KCNMA1: variants seen among roughly 807,000 people sequenced by gnomAD.
KCNMA1 encodes Calcium-activated potassium channel subunit alpha-1.
A neutral mutation model predicts 140.0 loss-of-function variants in KCNMA1; 29 were observed. That is an observed-to-expected ratio of 0.21 (90% CI 0.15 to 0.28). The LOEUF is 0.28. KCNMA1 is among the 10% of genes least tolerant of loss of function. The probability of loss-of-function intolerance (pLI) is 1.00; values close to 1 mark genes in which losing one functional copy is unlikely to be tolerated. For missense variants in KCNMA1, 880 were observed against 1,602.2 expected, an observed-to-expected ratio of 0.55 and a Z score of 7.70; for synonymous variants, 612 against 611.9, an observed-to-expected ratio of 1.00 and a Z score of 0.00.
intron 5 of KCNMA1, among the ~76,000 whole-genome samples, chr10:77,148,862 C>A (rs1181427071): frequency 6.6e-6 from 1 of 152,214 alleles, no homozygotes; most frequent in Non-Finnish European, 1.5e-5. Context: ...TAGCTGACAT[C>A]TTGAAATGAG....
chr10:77,557,697 G>A (rs887070761), intron 1 of KCNMA1, among the ~76,000 whole-genome samples: 3 of 146,542 alleles, frequency 2.0e-5, no homozygotes, highest in Non-Finnish European at 4.5e-5. Context: ...ACCCAGGCTA[G>A]AGTGGAATGC....
At chr10:77,141,844 G>T (rs2098177847) in intron 5 of KCNMA1, among the ~76,000 whole-genome samples, 1 of 152,110 alleles carries the variant, frequency 6.6e-6, no homozygotes, top group South Asian at 2.1e-4. Flanking sequence ...TAAAATTATT[G>T]GTAGAATTTT....
At chr10:77,603,101 AG>A (rs1247485602) in intron 1 of KCNMA1, among the ~76,000 whole-genome samples, 1 of 152,192 alleles carries the variant, frequency 6.6e-6, no homozygotes, top group Non-Finnish European at 1.5e-5. Flanking sequence ...CAGACTTCAG[AG>A]GGAAACAAAT....
chr10:76,955,222 C>T (rs546243417), intron 20 of KCNMA1, among the ~76,000 whole-genome samples: 15 of 143,878 alleles, frequency 1.0e-4, no homozygotes, highest in African/African-American at 3.9e-4. Context: ...TAGACAGAGT[C>T]TCGCTCTGCA....
At chr10:77,002,270 G>T (rs991366766) in intron 18 of KCNMA1, among the ~76,000 whole-genome samples, 1 of 152,082 alleles carries the variant, frequency 6.6e-6, no homozygotes, top group Non-Finnish European at 1.5e-5. Context: ...CAAGACTAAC[G>T]CTGCAGATTT....
chr10:76,877,899 G>T lies in KCNMA1; in HGVS notation c.3428-9C>A, dbSNP rs201763376. 225 of 1,606,950 alleles carry T rather than the reference G, an allele frequency of 1.4e-4. No homozygotes were observed. The highest frequency in any genetic ancestry group is 6.5e-5 in the Non-Finnish European group (76 of 1,176,518). On this transcript the variant is annotated splice_polypyrimidine_tract_variant and intron_variant, in intron 29 of 29. Transcript: ENST00000372403. ...TGTAAACCATTTCTTTTCTGCTAAAGGGCAAAATGGATAGAGAACAAGAAG... is the reference window on the plus strand; with the variant it reads ...TGTAAACCATTTCTTTTCTGCTAAATGGCAAAATGGATAGAGAACAAGAAG...
In KCNMA1 at chr10:76,944,767, C is replaced by T. The variant is rs1169301849; in HGVS notation, c.2902+6G>A. ...ACAGCAAAGAAGTATTACAGGCTGTCCTTACCTTGGGAATTAGCCTGCAAG... is the reference window on the plus strand; with the variant it reads ...ACAGCAAAGAAGTATTACAGGCTGTTCTTACCTTGGGAATTAGCCTGCAAG... On this transcript the variant is annotated splice_donor_region_variant and intron_variant, in intron 23 of 27. Transcript: ENST00000286628. The T allele has an allele frequency of 6.2e-7, 1 of 1,613,376 alleles. No homozygotes were observed. Among genetic ancestry groups the T allele is most frequent in the African/African-American group, 1.3e-5 (1 of 74,900 alleles).
chr10:77,230,847 T>A (rs1472452035), intron 3 of KCNMA1, among the ~76,000 whole-genome samples: 1 of 152,186 alleles, frequency 6.6e-6, no homozygotes. Context: ...TTCAGCATCA[T>A]GAAACACCCT....
At chr10:77,167,767 C>A (rs2098659672) in intron 5 of KCNMA1, among the ~76,000 whole-genome samples, 1 of 151,848 alleles carries the variant, frequency 6.6e-6, no homozygotes, top group Non-Finnish European at 1.5e-5. Context: ...TGTCTCACTG[C>A]AGCCTCGACT....
chr10:77,346,254 G>C (rs56284041), intron 2 of KCNMA1, among the ~76,000 whole-genome samples: 1 of 152,156 alleles, frequency 6.6e-6, no homozygotes, highest in Non-Finnish European at 1.5e-5. Context: ...TCATGTTTGA[G>C]AAACAAAAAC....
At chr10:77,339,917 G>C (rs1437342003) in intron 2 of KCNMA1, among the ~76,000 whole-genome samples, 1 of 152,210 alleles carries the variant, frequency 6.6e-6, no homozygotes, top group Non-Finnish European at 1.5e-5. Context: ...TTGCAGCCAT[G>C]AGTGAAAAGC....
At chr10:77,266,458 A>G (rs771630291) in intron 2 of KCNMA1, among the ~76,000 whole-genome samples, 1 of 152,196 alleles carries the variant, frequency 6.6e-6, no homozygotes, top group Non-Finnish European at 1.5e-5. Context: ...CAAACTTCGT[A>G]AGAATGCTGG....
chr10:77,588,206 C>T (rs897658011), intron 1 of KCNMA1, among the ~76,000 whole-genome samples: 2 of 152,178 alleles, frequency 1.3e-5, no homozygotes, highest in African/African-American at 4.8e-5. Flanking sequence ...CAAAGGACTC[C>T]AGCAAGGTCA....
intron 23 of KCNMA1, among the ~76,000 whole-genome samples, chr10:76,918,315 T>C (rs188926912): frequency 8.3e-4 from 127 of 152,318 alleles, no homozygotes; most frequent in African/African-American, 2.8e-3. Context: ...ATTAGAGACA[T>C]GGAATGAGAA....
At chr10:76,993,092 T>G (rs2153353887) in intron 19 of KCNMA1, among the ~76,000 whole-genome samples, 1 of 152,352 alleles carries the variant, frequency 6.6e-6, no homozygotes, top group East Asian at 1.9e-4. Flanking sequence ...GCCTCAGCGC[T>G]GGCCAGCTGT....
intron 1 of KCNMA1, among the ~76,000 whole-genome samples, chr10:77,574,748 G>A (rs919421423): frequency 1.3e-5 from 2 of 152,198 alleles, no homozygotes; most frequent in Non-Finnish European, 2.9e-5. Flanking sequence ...CTCATAGAAT[G>A]GTCGTGAGGA....
At chr10:76,952,031 AC>A (rs2066458272) in intron 21 of KCNMA1, 1 of 1,551,696 alleles carries the variant, frequency 6.4e-7, no homozygotes, top group African/African-American at 1.4e-5. Flanking sequence ...AGAAGTAGTA[AC>A]TCACCTCCTT....
intron 23 of KCNMA1, among the ~76,000 whole-genome samples, chr10:76,934,655 T>C (rs1268407128): frequency 6.6e-6 from 1 of 152,186 alleles, no homozygotes; most frequent in Non-Finnish European, 1.5e-5. Context: ...ACCTCATGCA[T>C]AGGATGCAAA....
chr10:76,899,075 G>A (rs914212062), intron 25 of KCNMA1, among the ~76,000 whole-genome samples: 13 of 152,040 alleles, frequency 8.6e-5, no homozygotes, highest in South Asian at 4.1e-4. Flanking sequence ...ATCACTGGAC[G>A]TGAATAAGAA....
Sources: gnomAD v4.1 joint callset for allele counts (sites outside exome capture counted in the v4.1 genomes callset) on GRCh38, gnomAD v4.1.1 for gene constraint, MANE v1.5 for transcripts, NCBI Gene and HGNC (gene_info 2026-07-23, HGNC 2026-07-21) for gene names.